Variants in ANP32E observed in about 807,000 individuals in gnomAD.
The protein encoded by ANP32E is acidic leucine-rich nuclear phosphoprotein 32 family member E.
A neutral mutation model predicts 35.3 loss-of-function variants in ANP32E; 14 were observed. The ratio of observed to expected loss-of-function variants is 0.40; its 90% CI spans 0.26 to 0.62. ANP32E has a LOEUF of 0.62. Among genes scored for constraint, ANP32E ranks in the 20% least tolerant of loss-of-function variants. ANP32E has a pLI of 0.45. For missense variants in ANP32E, 198 were observed against 304.4 expected (o/e 0.65, Z 2.60); for synonymous variants, 89 against 110.4 (o/e 0.81, Z 1.22).
intron 4 of ANP32E, among the ~76,000 whole-genome samples, chr1:150,228,213 A>G (rs1320842903): frequency 2.0e-5 from 3 of 151,930 alleles, no homozygotes; most frequent in African/African-American, 7.3e-5. Flanking sequence ...GGTTCAAGCA[A>G]TTCTGCCTCG....
At chr1:150,222,374 G>A (rs1197068890) in intron 6 of ANP32E, among the ~76,000 whole-genome samples, 3 of 151,016 alleles carry the variant, frequency 2.0e-5, no homozygotes, top group Non-Finnish European at 4.4e-5. Context: ...AACTGAGATC[G>A]GGCCACTGTA....
rs781999654 is a variant in ANP32E at position 150,230,742 on chromosome 1, CAA to C, written c.205-51_205-50del. 46 of 1,457,536 alleles carry C rather than the reference CAA, an allele frequency of 3.2e-5. No homozygotes were observed. In the East Asian group the frequency reaches 1.0e-3, roughly 33 times the overall value. The allele number at this position is 1,457,536 out of a possible 1,614,324, so 90.3% of individuals were successfully genotyped here. Reference sequence around the variant, plus strand: ...ACAAAGAATGGTAAAGGTATCATATCAAACTTTTTTTTTTTTTGAAATGTAGT... The same window carrying C: ...ACAAAGAATGGTAAAGGTATCATATCACTTTTTTTTTTTTTGAAATGTAGT... On this transcript the variant is annotated intron_variant, in intron 2 of 6. Transcript: ENST00000583931.
At chr1:150,223,157 A>G (rs1036212441) in intron 6 of ANP32E, 29 bp downstream of exon 6, 18 of 1,478,866 alleles carry the variant, frequency 1.2e-5, no homozygotes, top group Non-Finnish European at 1.6e-5. Flanking sequence ...CTTTAATTTT[A>G]TAATTTGTTT....
chr1:150,223,040 ACT>A (rs1648564387), intron 6 of ANP32E, 144 bp downstream of exon 6: 1 of 897,648 alleles, frequency 1.1e-6, no homozygotes, highest in Non-Finnish European at 1.6e-6. Context: ...CTTTGAAGGC[ACT>A]CTATGATAAA....
At chr1:150,223,681 CAA>C (rs781932099) in intron 5 of ANP32E, among the ~76,000 whole-genome samples, 1,412 of 76,704 alleles carry the variant, frequency 0.018, 31 homozygotes, top group African/African-American at 0.064. Context: ...GGCTTCATCT[CAA>C]AAAAAAAAAA....
At chr1:150,233,714 A>G (rs1342326250) in intron 1 of ANP32E, among the ~76,000 whole-genome samples, 1 of 152,198 alleles carries the variant, frequency 6.6e-6, no homozygotes, top group East Asian at 1.9e-4. Flanking sequence ...AAATTTGGCA[A>G]CAAGGAATGC....
chr1:150,222,772 AAT>A (rs1247177699), intron 6 of ANP32E, among the ~76,000 whole-genome samples: 2 of 150,648 alleles, frequency 1.3e-5, no homozygotes. Flanking sequence ...AACAAACAAA[AAT>A]ATATATATAT....
chr1:150,223,341 CTG>C (rs782773031), intron 5 of ANP32E, 101 bp from the exon 6 acceptor site: 1 of 1,437,702 alleles, frequency 7.0e-7, no homozygotes, highest in Admixed American at 2.2e-5. Flanking sequence ...TATGGTTATT[CTG>C]TGTTTTGACA....
At chr1:150,228,611 G>T (rs1649081134) in intron 4 of ANP32E, among the ~76,000 whole-genome samples, 1 of 151,210 alleles carries the variant, frequency 6.6e-6, no homozygotes, top group South Asian at 2.1e-4. Context: ...AGAACTGCTT[G>T]AAACCAGAAG....
intron 5 of ANP32E, among the ~76,000 whole-genome samples, chr1:150,224,051 C>G (rs587670413): frequency 5.9e-5 from 9 of 152,228 alleles, no homozygotes; most frequent in African/African-American, 2.2e-4. Context: ...GGCCAACTGC[C>G]TAATTCCTGT....
intron 5 of ANP32E, among the ~76,000 whole-genome samples, chr1:150,225,547 T>A (rs1553839571): frequency 6.6e-6 from 1 of 150,980 alleles, no homozygotes; most frequent in African/African-American, 2.4e-5. Context: ...GGAGTGTGCC[T>A]GTAGTCCCAG....
chr1:150,220,649 T>C lies in ANP32E; in HGVS notation c.*42A>G, dbSNP rs1553837388. The C allele has an allele frequency of 6.4e-7, 1 of 1,560,622 alleles. No individual in the cohort carries two copies. ...AAGAAACAAAGATGTGATCACTCTA[T>C]TGCACACCCAGAAACATTAGAGAAT... On this transcript the variant is annotated 3_prime_UTR_variant, in exon 7 of 7. Transcript: ENST00000583931.
intron 4 of ANP32E, among the ~76,000 whole-genome samples, chr1:150,228,697 T>A (rs200908864): frequency 1.8e-4 from 26 of 142,712 alleles, no homozygotes; most frequent in Non-Finnish European, 2.0e-4. Flanking sequence ...CCTCTCAACA[T>A]AAAAAAAAAA....
chr1:150,226,747 G>C lies in ANP32E; in HGVS notation c.542C>G (p.Pro181Arg). 1 of 1,590,148 alleles carries C rather than the reference G, an allele frequency of 6.3e-7. No individual in the cohort carries two copies. Among genetic ancestry groups the C allele is most frequent in the Non-Finnish European group, 8.6e-7 (1 of 1,160,998 alleles). ...EEEEENEAGP[P>R]EGYEEEEEEE... ...CTCCTCCTCTTCCTCATATCCTTCCGGTGGACCAGCTTCATTTTCCTCTTC... is the reference window on the plus strand; with the variant it reads ...CTCCTCCTCTTCCTCATATCCTTCCCGTGGACCAGCTTCATTTTCCTCTTC... The change falls in exon 5 of 7, where the codon CCG (proline) becomes CGG (arginine). Residue 181 changes from proline (P) to arginine (R), a missense_variant. Physicochemically the swap from Pro to Arg is moderately radical, Grantham distance 103. This residue lies in a region of ANP32E where 121 missense variants were observed against 137.3 expected (regional missense o/e 0.88). Coordinates refer to ENST00000583931, the MANE Select transcript of ANP32E (RefSeq NM_030920.5).
chr1:150,233,264 CAAAAAAAA>C (rs60732970), intron 1 of ANP32E, among the ~76,000 whole-genome samples: 2 of 86,424 alleles, frequency 2.3e-5, no homozygotes, highest in Non-Finnish European at 4.6e-5. Context: ...GACTCTATCT[CAAAAAAAA>C]AAAAAAAAAA....
At chr1:150,228,908 A>T (rs2101781346) in intron 4 of ANP32E, among the ~76,000 whole-genome samples, 164 bp downstream of exon 4, 1 of 152,330 alleles carries the variant, frequency 6.6e-6, no homozygotes, top group East Asian at 1.9e-4. Flanking sequence ...AATCTGAAAG[A>T]AGAAATACTG....
chr1:150,229,287 ATTTC>A (rs1649144474), intron 3 of ANP32E, 50 bp from the exon 4 acceptor site: 1 of 595,272 alleles, frequency 1.7e-6, no homozygotes, highest in Non-Finnish European at 2.5e-6. Context: ...ATACCATGTT[ATTTC>A]TTTTTTCTTT....
At chr1:150,234,496 TC>T in intron 1 of ANP32E, 1 of 739,102 alleles carries the variant, frequency 1.4e-6, no homozygotes, top group Non-Finnish European at 1.7e-6. Context: ...ACCCTGCTCA[TC>T]CTCTATGCCG....
intron 4 of ANP32E, among the ~76,000 whole-genome samples, chr1:150,228,712 A>AG: frequency 6.6e-6 from 1 of 151,046 alleles, no homozygotes; most frequent in Non-Finnish European, 1.5e-5. Context: ...AAAAAAAAAA[A>AG]ATTCCGTTCA....
Sources: gnomAD v4.1 joint callset for allele counts (sites outside exome capture counted in the v4.1 genomes callset) on GRCh38, gnomAD v4.1.1 for gene constraint, gnomAD v4.1.1 regional missense constraint, MANE v1.5 for transcripts, NCBI Gene and HGNC (gene_info 2026-07-23, HGNC 2026-07-21) for gene names.